The following HDAC4 variants were observed in gnomAD, a reference collection of about 807,000 sequenced individuals.
The protein encoded by HDAC4 is histone deacetylase A.
A neutral mutation model predicts 135.1 loss-of-function variants in HDAC4; 16 were observed. That is an observed-to-expected ratio of 0.12 (90% CI 0.08 to 0.18). The LOEUF is 0.18. Among genes scored for constraint, HDAC4 ranks in the 10% least tolerant of loss-of-function variants. The pLI is 1.00. For missense variants in HDAC4, 1,143 were observed against 1,511.8 expected (o/e 0.76, Z 4.05); for synonymous variants, 685 against 653.4 (o/e 1.05, Z -0.74).
In HDAC4 at chr2:239,310,359, C is replaced by T. The variant is rs577499691; in HGVS notation, c.22+42319G>A. On this transcript the variant is annotated intron_variant, in intron 2 of 26. Transcript: ENST00000543185. ...CAGCAGATACACAAACTCTGAGTGA[C>T]AGCATTGGTGTTTAGCAGATTCTGG... is the stretch of plus-strand genomic sequence containing the variant. Among the ~76,000 whole-genome samples, 7 of 152,352 alleles carry T rather than the reference C, an allele frequency of 4.6e-5. No homozygotes were observed. The South Asian group carries it at 1.2e-3, about 27-fold the overall frequency.
chr2:239,083,381 C>T (rs2035547319), intron 20 of HDAC4, among the ~76,000 whole-genome samples: 1 of 152,248 alleles, frequency 6.6e-6, no homozygotes, highest in African/African-American at 2.4e-5. Flanking sequence ...TGCTCTGCCG[C>T]ATCCCCTGAC....
chr2:239,390,424 A>C (rs1251528702), intron 1 of HDAC4, among the ~76,000 whole-genome samples: 1 of 152,206 alleles, frequency 6.6e-6, no homozygotes, highest in Non-Finnish European at 1.5e-5. Context: ...GTTCCAGCTA[A>C]TCAGGCAGCT....
At chr2:239,357,035 T>C (rs1440281910) in intron 1 of HDAC4, among the ~76,000 whole-genome samples, 1 of 152,148 alleles carries the variant, frequency 6.6e-6, no homozygotes, top group East Asian at 1.9e-4. Flanking sequence ...AAAATGACAT[T>C]CATGGAACAC....
chr2:239,298,415 T>C lies in HDAC4; in HGVS notation c.22+54263A>G, dbSNP rs572667606. 84 of 1,172,206 alleles carry C rather than the reference T, an allele frequency of 7.2e-5. No individual in the cohort carries two copies. The Middle Eastern group carries it at 1.2e-3, about 16-fold the overall frequency. 72.6% of individuals were successfully genotyped at this position (1,172,206 alleles called of 1,614,324 possible). ...TTGCACCTCAGAGGGAAACAGGGTA[T>C]CCTGAAGTTCAAGTGCATGCACACC... is the stretch of plus-strand genomic sequence containing the variant. On this transcript the variant is annotated intron_variant, in intron 2 of 26. Transcript: ENST00000543185.
chr2:239,315,581 T>A (rs929990918), intron 2 of HDAC4, among the ~76,000 whole-genome samples: 2 of 151,910 alleles, frequency 1.3e-5, no homozygotes, highest in East Asian at 3.9e-4. Flanking sequence ...CAGGTGACAG[T>A]GAGAAAGTCC....
chr2:239,365,126 C>T (rs1191893921), intron 1 of HDAC4, among the ~76,000 whole-genome samples: 1 of 152,144 alleles, frequency 6.6e-6, no homozygotes, highest in Non-Finnish European at 1.5e-5. Context: ...TGCTATATGA[C>T]ATTTCTGACT....
chr2:239,240,802 T>C lies in HDAC4; in HGVS notation c.23-4138A>G, dbSNP rs1209633776. Among the ~76,000 whole-genome samples the C allele has an allele frequency of 6.6e-6, 1 of 151,698 alleles. No homozygotes were observed. Among genetic ancestry groups the C allele is most frequent in the Non-Finnish European group, 1.5e-5 (1 of 67,942 alleles). On this transcript the variant is annotated intron_variant, in intron 2 of 26. Coordinates refer to ENST00000543185, the MANE Select transcript of HDAC4 (RefSeq NM_001378414.1). The surrounding 1 kb of genome is among the most constrained non-coding windows in gnomAD (Gnocchi z 4.5). ...GTGACCACATCACTCTTGCCAGGAG[T>C]CCCTTTCGCGCCGACAGGACCCAGC...
At chr2:239,126,307 T>C (rs2152850423) in intron 12 of HDAC4, 149 bp downstream of exon 12, 1 of 1,319,498 alleles carries the variant, frequency 7.6e-7, no homozygotes, top group Non-Finnish European at 1.1e-6. Flanking sequence ...AGCTCTGTGC[T>C]GTGGGCCAGA....
chr2:239,059,035 A>G (rs2032288054), intron 24 of HDAC4, among the ~76,000 whole-genome samples: 1 of 152,250 alleles, frequency 6.6e-6, no homozygotes, highest in Non-Finnish European at 1.5e-5. Context: ...ATTTGTTAGA[A>G]ATTGATAGCA....
At chr2:239,265,616 A>G (rs1362284979) in intron 2 of HDAC4, among the ~76,000 whole-genome samples, 1 of 152,174 alleles carries the variant, frequency 6.6e-6, no homozygotes, top group Non-Finnish European at 1.5e-5. Context: ...GGCACAAAGG[A>G]CAGAGCAGGA....
At chr2:239,222,284 G>T (rs528688738) in intron 3 of HDAC4, among the ~76,000 whole-genome samples, 2 of 152,162 alleles carry the variant, frequency 1.3e-5, no homozygotes, top group Admixed American at 6.5e-5. Context: ...TAATGAAAAC[G>T]CAAGTGTTAG....
chr2:239,364,219 A>G (rs1161535704), intron 1 of HDAC4, among the ~76,000 whole-genome samples: 7 of 152,238 alleles, frequency 4.6e-5, no homozygotes, highest in Non-Finnish European at 1.0e-4. Context: ...TACCCAACAG[A>G]AAGACATCTA....
intron 3 of HDAC4, among the ~76,000 whole-genome samples, chr2:239,194,531 G>T (rs757147283): frequency 6.6e-6 from 1 of 152,126 alleles, no homozygotes; most frequent in Non-Finnish European, 1.5e-5. Flanking sequence ...GTCACAGCTC[G>T]ACCCAAGTCT....
chr2:239,315,070 T>G (rs2053060363), intron 2 of HDAC4, among the ~76,000 whole-genome samples: 1 of 152,232 alleles, frequency 6.6e-6, no homozygotes. Flanking sequence ...CAAACCCTTA[T>G]CATAATCCAG....
intron 23 of HDAC4, among the ~76,000 whole-genome samples, chr2:239,067,665 G>A (rs375428654): frequency 2.6e-5 from 4 of 152,192 alleles, no homozygotes; most frequent in East Asian, 1.9e-4. Context: ...TAGGCTGCAC[G>A]GCCTGGTGGA....
At chr2:239,082,333 G>T in intron 20 of HDAC4, 112 bp from the exon 21 acceptor site, 1 of 1,382,698 alleles carries the variant, frequency 7.2e-7, no homozygotes, top group Non-Finnish European at 1.0e-6. Flanking sequence ...TCCTGCTCAG[G>T]AATGACATTA....
At chr2:239,098,149 T>C (rs757338873) in intron 16 of HDAC4, among the ~76,000 whole-genome samples, 16 of 152,236 alleles carry the variant, frequency 1.1e-4, no homozygotes, top group Non-Finnish European at 1.6e-4. Context: ...TACACGATTA[T>C]GCATCCAAAT....
intron 22 of HDAC4, among the ~76,000 whole-genome samples, chr2:239,077,993 G>A (rs2034932507): frequency 1.3e-5 from 2 of 152,196 alleles, no homozygotes; most frequent in Non-Finnish European, 2.9e-5. Context: ...AGACATCTTT[G>A]ATAAACTTCG....
chr2:239,220,962 T>C (rs1295836643), intron 3 of HDAC4, among the ~76,000 whole-genome samples: 1 of 152,188 alleles, frequency 6.6e-6, no homozygotes, highest in Non-Finnish European at 1.5e-5. Context: ...TGGTACCGTG[T>C]TGTCATCATG....
Sources: allele counts gnomAD v4.1 joint callset (sites outside exome capture counted in the v4.1 genomes callset), GRCh38; gene constraint gnomAD v4.1.1; non-coding constraint Gnocchi (gnomAD v3.1); transcripts MANE v1.5; gene names NCBI Gene and HGNC (gene_info 2026-07-23, HGNC 2026-07-21).